TJP3: variants seen among roughly 807,000 people sequenced by gnomAD.
TJP3 encodes tight junction protein ZO-3.
TJP3 carries 85 observed loss-of-function variants against 104.2 expected under a neutral mutation model. The observed-to-expected ratio is 0.82, with a 90% CI of 0.68 to 0.98. The LOEUF (loss-of-function observed/expected upper bound fraction) is 0.98. TJP3 is among the 50% of genes least tolerant of loss of function. TJP3 has a pLI of 0.00. For synonymous variants in TJP3, 550 were observed against 550.6 expected, an observed-to-expected ratio of 1.00 and a Z score of 0.02; for missense variants, 1,367 against 1,322.8, an observed-to-expected ratio of 1.03 and a Z score of -0.52.
At chr19:3,749,412 T>A (rs1374580641) in intron 19 of TJP3, among the ~76,000 whole-genome samples, 1 of 152,140 alleles carries the variant, frequency 6.6e-6, no homozygotes, top group Non-Finnish European at 1.5e-5. Flanking sequence ...CAATCATAGT[T>A]CGTTGCGGCC....
At chr19:3,729,659 G>A (rs188041104) in intron 3 of TJP3, among the ~76,000 whole-genome samples, 1 of 152,010 alleles carries the variant, frequency 6.6e-6, no homozygotes, top group African/African-American at 2.4e-5. Flanking sequence ...GCGGGCACCT[G>A]TAGTCCCAGC....
intron 1 of TJP3, among the ~76,000 whole-genome samples, chr19:3,722,978 C>T (rs1226888129): frequency 2.1e-5 from 1 of 47,482 alleles, no homozygotes; most frequent in African/African-American, 7.5e-5. Context: ...CAGCCCTGGG[C>T]GGGGGGCGGG....
Position 3,736,252 on chromosome 19 carries a change from C to A in TJP3, c.1215C>A (p.Phe405Leu). 1 of 1,567,516 alleles carries A rather than the reference C, an allele frequency of 6.4e-7. No homozygotes were observed. ...CAGGGGGCAATGACGTGGGCATCTT[C>A]GTGTCCGGGGTGCAGGCGGGCAGCC... is the stretch of plus-strand genomic sequence containing the variant. Reference protein sequence around the residue: ...RLAGGNDVGIFVSGVQAGSPA... With the variant: ...RLAGGNDVGILVSGVQAGSPA... The change falls in exon 11 of 21, where the codon TTC becomes TTA. Residue 405 changes from phenylalanine to leucine, a missense_variant. Phe to Leu is a conservative substitution (Grantham distance 22, BLOSUM62 0). Transcript: ENST00000541714.
chr19:3,735,158 G>A (rs1430715342), intron 8 of TJP3, among the ~76,000 whole-genome samples: 4 of 151,856 alleles, frequency 2.6e-5, no homozygotes, highest in African/African-American at 4.8e-5. Flanking sequence ...GAGCCACCAC[G>A]CCCAGCCCAG....
intron 1 of TJP3, among the ~76,000 whole-genome samples, chr19:3,718,263 G>A: frequency 7.6e-6 from 1 of 130,808 alleles, no homozygotes; most frequent in East Asian, 2.2e-4. Context: ...GTGTCTGTGT[G>A]TGTGTAGAGA....
Position 3,750,781 on chromosome 19 carries a change from C to G in TJP3, c.*97C>G. The G allele has an allele frequency of 8.8e-7, 1 of 1,137,942 alleles. No individual in the cohort carries two copies. Among genetic ancestry groups the G allele is most frequent in the Admixed American group, 2.1e-5 (1 of 46,848 alleles). The allele number at this position is 1,137,942 out of a possible 1,614,324, so 70.5% of individuals were successfully genotyped here. ...AACCCACAACCTTACCTCCCTCCGCCTGGTCTTTAATAAACAGAGTATTTT... is the reference window on the plus strand; with the variant it reads ...AACCCACAACCTTACCTCCCTCCGCGTGGTCTTTAATAAACAGAGTATTTT... On this transcript the variant is annotated 3_prime_UTR_variant, in exon 21 of 21. Coordinates refer to ENST00000541714, the MANE Select transcript of TJP3 (RefSeq NM_001267560.2).
chr19:3,709,169 G>A (rs981279174), intron 1 of TJP3, among the ~76,000 whole-genome samples: 2 of 152,000 alleles, frequency 1.3e-5, no homozygotes, highest in Admixed American at 1.3e-4. Context: ...AGGCTGGAGT[G>A]CAGTGGTGCG....
intron 13 of TJP3, 24 bp from the exon 14 acceptor site, chr19:3,740,524 GCTCA>G (rs2036799266): frequency 1.4e-6 from 2 of 1,384,016 alleles, no homozygotes; most frequent in African/African-American, 2.9e-5. Context: ...TGACCCCAGT[GCTCA>G]GTACTGTCCC....
rs902729021 is a variant in TJP3, at chr19:3,736,972, C to T, written c.1284+651C>T. Among the ~76,000 whole-genome samples the T allele has an allele frequency of 6.6e-5, 10 of 151,428 alleles. No individual in the cohort carries two copies. The South Asian group carries it at 8.4e-4, about 13-fold the overall frequency. On this transcript the variant is annotated intron_variant, in intron 11 of 20. Transcript: ENST00000541714. ...TTGGCTCACTGCAACCTCCGCCTCC[C>T]GGGTTCAAGGGATCATCCTGACTCA...
chr19:3,725,098 A>G (rs558156814), intron 1 of TJP3, among the ~76,000 whole-genome samples: 4 of 152,074 alleles, frequency 2.6e-5, no homozygotes, highest in South Asian at 2.1e-4. Flanking sequence ...CCATCTCTAC[A>G]AAAAAACAAA....
intron 11 of TJP3, 114 bp from the exon 12 acceptor site, chr19:3,738,441 G>A: frequency 1.1e-6 from 1 of 876,884 alleles, no homozygotes; most frequent in East Asian, 2.5e-5. Context: ...GGGTCCCTTG[G>A]CAGCAGCTCT....
chr19:3,740,866 C>T lies in TJP3; in HGVS notation c.1843+103C>T, dbSNP rs950232184. 7.8e-6 allele frequency: 9 copies of T among 1,160,150 alleles called. No homozygotes were observed. The African/African-American group carries it at 7.9e-5, about 10-fold the overall frequency. 71.9% of individuals were successfully genotyped at this position (1,160,150 alleles called of 1,614,324 possible). On this transcript the variant is annotated intron_variant, in intron 14 of 20. Coordinates refer to ENST00000541714, the MANE Select transcript of TJP3 (RefSeq NM_001267560.2). Reference sequence around the variant, plus strand: ...TCTAAAAGGCACAGTCTTGGCCCGGCGTGGTGGCTCACGCCTATAATCCCA... The same window carrying T: ...TCTAAAAGGCACAGTCTTGGCCCGGTGTGGTGGCTCACGCCTATAATCCCA...
intron 1 of TJP3, among the ~76,000 whole-genome samples, chr19:3,709,488 G>T: frequency 6.6e-6 from 1 of 152,332 alleles, no homozygotes; most frequent in East Asian, 1.9e-4. Context: ...GAGAGGGGAG[G>T]GGTCGGCAGC....
intron 1 of TJP3, among the ~76,000 whole-genome samples, chr19:3,722,253 T>A (rs545578719): frequency 6.6e-6 from 1 of 152,186 alleles, no homozygotes; most frequent in African/African-American, 2.4e-5. Flanking sequence ...TCTCCTTCCC[T>A]CATCCGAAAA....
intron 1 of TJP3, among the ~76,000 whole-genome samples, chr19:3,712,573 G>T (rs775393033): frequency 9.2e-5 from 14 of 152,190 alleles, no homozygotes; most frequent in Non-Finnish European, 1.8e-4. Context: ...TGAGGCAGGG[G>T]CTGGAATTCA....
At chr19:3,712,053 C>A (rs573613840) in intron 1 of TJP3, among the ~76,000 whole-genome samples, 3 of 152,072 alleles carry the variant, frequency 2.0e-5, no homozygotes, top group African/African-American at 7.2e-5. Flanking sequence ...CGGTGGCTCA[C>A]GCCTGTAATC....
At chr19:3,735,506 C>CT in intron 8 of TJP3, 60 bp from the exon 9 acceptor site, 1 of 1,574,480 alleles carries the variant, frequency 6.4e-7, no homozygotes, top group South Asian at 1.1e-5. Flanking sequence ...GCCTAAAATT[C>CT]TTTTTAAAAT....
chr19:3,744,700 G>A (rs1057065401), intron 15 of TJP3, among the ~76,000 whole-genome samples: 1 of 151,762 alleles, frequency 6.6e-6, no homozygotes, highest in Non-Finnish European at 1.5e-5. Context: ...TAGACTAGGA[G>A]GCCGGGCGCA....
At chr19:3,711,932 A>C (rs11085032) in intron 1 of TJP3, among the ~76,000 whole-genome samples, 112,631 of 151,378 alleles carry the variant, frequency 0.74, 42,279 homozygotes, top group East Asian at 1. Context: ...GTGATCTGCC[A>C]GCCTCAGCCA....
Sources: allele counts gnomAD v4.1 joint callset (sites outside exome capture counted in the v4.1 genomes callset), GRCh38; gene constraint gnomAD v4.1.1; transcripts MANE v1.5; gene names NCBI Gene and HGNC (gene_info 2026-07-23, HGNC 2026-07-21).